The following KASH5 variants were observed in gnomAD, a reference collection of about 807,000 sequenced individuals.
KASH5 encodes the protein protein KASH5.
In KASH5, 72 loss-of-function variants were observed where a neutral mutation model predicts 84.2. The observed-to-expected ratio is 0.85, with a 90% confidence interval of 0.71 to 1.04. The LOEUF is 1.04. Among genes scored for constraint, KASH5 ranks in the 50% least tolerant of loss-of-function variants. The pLI is 0.00. For missense variants in KASH5, 650 were observed against 701.0 expected (o/e 0.93, Z 0.82); for synonymous variants, 260 against 279.1 (o/e 0.93, Z 0.68).
At chr19:49,402,693 C>T (rs537046832) in intron 9 of KASH5, among the ~76,000 whole-genome samples, 5 of 152,124 alleles carry the variant, frequency 3.3e-5, no homozygotes, top group Admixed American at 2.6e-4. Flanking sequence ...GGTGACAGAG[C>T]GAGACTCTGT....
At chr19:49,390,352 C>T (rs1349139539) in intron 1 of KASH5, 1 of 153,916 alleles carries the variant, frequency 6.5e-6, no homozygotes, top group African/African-American at 2.4e-5. Context: ...GGCGGTCAGC[C>T]ATGCAGGGCC....
chr19:49,401,701 G>T (rs1259788843), intron 9 of KASH5, among the ~76,000 whole-genome samples: 1 of 152,132 alleles, frequency 6.6e-6, no homozygotes, highest in East Asian at 1.9e-4. Flanking sequence ...TGTCTGTCCT[G>T]CATTCCTCCC....
chr19:49,397,136 A>G (rs1362883021), intron 5 of KASH5, among the ~76,000 whole-genome samples: 4 of 151,928 alleles, frequency 2.6e-5, no homozygotes, highest in Non-Finnish European at 4.4e-5. Flanking sequence ...GTTCTCTTCA[A>G]CCTCCTTCAT....
chr19:49,404,059 C>T (rs1410182369), intron 9 of KASH5, among the ~76,000 whole-genome samples: 4 of 152,216 alleles, frequency 2.6e-5, no homozygotes, highest in Admixed American at 2.6e-4. Flanking sequence ...GCCGAGTGGC[C>T]CAGGATCTGG....
chr19:49,401,665 G>A (rs1974364228), intron 9 of KASH5, among the ~76,000 whole-genome samples: 1 of 152,146 alleles, frequency 6.6e-6, no homozygotes, highest in African/African-American at 2.4e-5. Flanking sequence ...AAAACTCTGG[G>A]CTCATTTTCA....
chr19:49,389,099 T>C (rs1372620204), intron 1 of KASH5, among the ~76,000 whole-genome samples: 1 of 81,636 alleles, frequency 1.2e-5, no homozygotes, highest in Non-Finnish European at 2.2e-5. Flanking sequence ...ACCCCCAAAA[T>C]CCAGCCAGAG....
At chr19:49,394,757 C>T in intron 3 of KASH5, 177 bp downstream of exon 3, 1 of 599,432 alleles carries the variant, frequency 1.7e-6, no homozygotes, top group Non-Finnish European at 3.0e-6. Flanking sequence ...GGGGTGAAGG[C>T]CTTTTAGAAT....
chr19:49,397,616 G>A (rs1432985330), intron 5 of KASH5, 35 bp from the exon 6 acceptor site: 1 of 1,605,888 alleles, frequency 6.2e-7, no homozygotes, highest in Non-Finnish European at 8.5e-7. Flanking sequence ...AAGGGTTCCA[G>A]GGAAGCCAAC....
intron 3 of KASH5, 62 bp downstream of exon 3, chr19:49,394,642 C>G (rs1974115731): frequency 5.4e-6 from 7 of 1,302,056 alleles, no homozygotes; most frequent in African/African-American, 1.5e-5. Flanking sequence ...AGGCTGGGAA[C>G]TGGGGAGCCT....
At chr19:49,392,116 G>T (rs372085181) in intron 2 of KASH5, among the ~76,000 whole-genome samples, 10 of 152,192 alleles carry the variant, frequency 6.6e-5, no homozygotes, top group East Asian at 3.9e-4. Flanking sequence ...AGACAGCTTC[G>T]AGAGGCTCTG....
chr19:49,406,901 G>T lies in KASH5; in HGVS notation c.814G>T (p.Ala272Ser). The change falls in exon 10 of 20, where the codon GCC (alanine) becomes TCC (serine). Residue 272 changes from alanine (A) to serine (S), a missense_variant. Ala to Ser is a moderately conservative substitution (Grantham distance 99). Coordinates refer to ENST00000447857, the MANE Select transcript of KASH5 (RefSeq NM_144688.5). ...CTTCTTCTAGAACGGGAAGCTGCTT[G>T]CCGAGCGGGATGGAGTGAAAAAGAG... Reference protein sequence around the residue: ...TLQEENGKLLAERDGVKKRSQ... With the variant: ...TLQEENGKLLSERDGVKKRSQ... 2 of 1,606,370 alleles carry T rather than the reference G, an allele frequency of 1.2e-6. No homozygotes were observed. The highest frequency in any genetic ancestry group is 1.7e-5 in the Admixed American group (1 of 58,962).
rs771222594 is a variant in KASH5 at position 49,409,146 on chromosome 19, T to TGGCCACCA, written c.1059-46_1059-39dup. 1.1e-4 allele frequency: 179 copies of TGGCCACCA among 1,600,876 alleles called. 2 individuals are homozygous for TGGCCACCA. In the South Asian group the frequency reaches 1.4e-3, roughly 12 times the overall value. On this transcript the variant is annotated intron_variant, in intron 13 of 19. Transcript: ENST00000447857. ...GGGAGGCCAGCATGAGCTGACTGAG[T>TGGCCACCA]GGCCACCAGGCACAGAGGCCATCTT...
chr19:49,395,802 G>A lies in KASH5; in HGVS notation c.369G>A (p.Gln123=). Residue 123 remains glutamine, a synonymous_variant, in exon 5 of 20, where the codon CAG becomes CAA. Transcript: ENST00000447857. This position sits in a 1 kb window ranked among gnomAD's most constrained non-coding sequence, Gnocchi z 4.4. ...GLELEEETAF[Q]GALTSRQLPS... ...AGCTGGAAGAGGAGACCGCCTTCCA[G>A]GGAGCCCTGACCTCCCGGCAACTGC... 1 of 1,565,628 alleles carries A rather than the reference G, an allele frequency of 6.4e-7. No homozygotes were observed. Among genetic ancestry groups the A allele is most frequent in the Non-Finnish European group, 8.7e-7 (1 of 1,155,120 alleles).
chr19:49,410,534 A>G (rs1239682598), intron 15 of KASH5, among the ~76,000 whole-genome samples: 2 of 146,032 alleles, frequency 1.4e-5, no homozygotes, highest in African/African-American at 5.1e-5. Context: ...CCCAGGCTGG[A>G]GTGCAGTGGC....
chr19:49,406,082 C>T (rs1974516537), intron 9 of KASH5, among the ~76,000 whole-genome samples: 1 of 147,206 alleles, frequency 6.8e-6, no homozygotes, highest in Admixed American at 6.8e-5. Context: ...GAACCAAGAT[C>T]GCACCATTGC....
chr19:49,393,956 A>G (rs117932964), intron 2 of KASH5, among the ~76,000 whole-genome samples: 2,214 of 152,188 alleles, frequency 0.015, 31 homozygotes, highest in Non-Finnish European at 0.023. Context: ...ATGGGCTCCA[A>G]TGATGCCACC....
Position 49,395,080 on chromosome 19 carries a change from C to A in KASH5, c.149-26C>A, listed in dbSNP as rs1158716273. 9 of 1,575,454 alleles carry A rather than the reference C, an allele frequency of 5.7e-6. No individual in the cohort carries two copies. The highest frequency in any genetic ancestry group is 4.3e-6 in the Non-Finnish European group (5 of 1,164,812). On this transcript the variant is annotated intron_variant, in intron 3 of 19. Coordinates refer to ENST00000447857, the MANE Select transcript of KASH5 (RefSeq NM_144688.5). This position sits in a 1 kb window ranked among gnomAD's most constrained non-coding sequence, Gnocchi z 4.4. Reference sequence around the variant, plus strand: ...CCCATCACTCCCCACCTGCCCCAGACCCCCTCACTGCATGCTCTGTCACAG... The same window carrying A: ...CCCATCACTCCCCACCTGCCCCAGAACCCCTCACTGCATGCTCTGTCACAG...
intron 17 of KASH5, among the ~76,000 whole-genome samples, chr19:49,415,930 G>A (rs1381194022): frequency 1.3e-5 from 2 of 152,146 alleles, no homozygotes; most frequent in Admixed American, 6.5e-5. Context: ...AGGTATGGGG[G>A]TAGGAAAGCC....
chr19:49,417,711 T>A lies in KASH5; in HGVS notation c.*201T>A. 1 of 632,724 alleles carries A rather than the reference T, an allele frequency of 1.6e-6. No individual in the cohort carries two copies. The highest frequency in any genetic ancestry group is 2.4e-6 in the Non-Finnish European group (1 of 412,380). The allele number at this position is 632,724 out of a possible 1,614,324, so 39.2% of individuals were successfully genotyped here. A position where few individuals can be genotyped will look rare whatever the true frequency, so the allele number is the denominator to read the frequency against. On this transcript the variant is annotated 3_prime_UTR_variant, in exon 20 of 20. Coordinates refer to ENST00000447857, the MANE Select transcript of KASH5 (RefSeq NM_144688.5). This position sits in a 1 kb window ranked among gnomAD's most constrained non-coding sequence, Gnocchi z 5.2. ...CTTAACAATAGCAAAACTCCCCCAGTAATGGATTAAGCACTAAGGATTATT... is the reference window on the plus strand; with the variant it reads ...CTTAACAATAGCAAAACTCCCCCAGAAATGGATTAAGCACTAAGGATTATT...
Sources: allele counts gnomAD v4.1 joint callset (sites outside exome capture counted in the v4.1 genomes callset), GRCh38; gene constraint gnomAD v4.1.1; non-coding constraint Gnocchi (gnomAD v3.1); transcripts MANE v1.5; gene names NCBI Gene and HGNC (gene_info 2026-07-23, HGNC 2026-07-21).